NUP153: variants seen among roughly 807,000 people sequenced by gnomAD.
The protein encoded by NUP153 is nuclear pore complex protein Nup153.
A neutral mutation model predicts 134.6 loss-of-function variants in NUP153; 27 were observed. That is an observed-to-expected ratio of 0.20 (90% confidence interval 0.15 to 0.28). NUP153 has a LOEUF of 0.28. Ranked by LOEUF, NUP153 falls within the 10% of genes least tolerant of loss-of-function variation. The pLI, the probability that NUP153 is intolerant of heterozygous loss-of-function variation, is 1.00. For synonymous variants in NUP153, 640 were observed against 623.5 expected, an observed-to-expected ratio of 1.03 and a Z score of -0.40; for missense variants, 1,821 against 1,731.3, an observed-to-expected ratio of 1.05 and a Z score of -0.92.
chr6:17,627,301 T>C (rs1764993653), intron 18 of NUP153, among the ~76,000 whole-genome samples: 1 of 152,244 alleles, frequency 6.6e-6, no homozygotes, highest in South Asian at 2.1e-4. Flanking sequence ...AGTTTTGATT[T>C]TGTCTTTATA....
At chr6:17,666,281 C>A (rs927034120) in intron 8 of NUP153, among the ~76,000 whole-genome samples, 5 of 152,098 alleles carry the variant, frequency 3.3e-5, no homozygotes, top group Non-Finnish European at 7.3e-5. Flanking sequence ...ATGTGGGAGG[C>A]CGAAGCAGGT....
intron 14 of NUP153, among the ~76,000 whole-genome samples, chr6:17,645,000 G>C (rs2113794212): frequency 6.6e-6 from 1 of 152,166 alleles, no homozygotes; most frequent in East Asian, 1.9e-4. Flanking sequence ...GAGGAGAATG[G>C]CATGAACCTG....
In NUP153 at chr6:17,618,083, C is replaced by T. The variant is rs540282445; in HGVS notation, c.4175-1388G>A. Among the ~76,000 whole-genome samples, 38 of 152,270 alleles carry T rather than the reference C, an allele frequency of 2.5e-4. 1 individual carries two copies. In the South Asian group the frequency reaches 7.9e-3, roughly 32 times the overall value. On this transcript the variant is annotated intron_variant, in intron 20 of 21. Coordinates refer to ENST00000262077, the MANE Select transcript of NUP153 (RefSeq NM_005124.4). ...TCCCAGAACACTGGCAAATGAAGTT[C>T]TCTGATACCCTCCATGCAGGAGACT...
At position 17,701,843 on chromosome 6, in the gene NUP153, GGAAAA is replaced by G. The variant is rs1476121685; in HGVS notation, c.111+4429_111+4433del. On this transcript the variant is annotated intron_variant, in intron 1 of 21. Transcript: ENST00000262077. ...GCAAGACTCTGTCTCGGGGGGGGGGGGAAAAAAGCTAAATGCAGGAACTGACTTGT... is the reference window on the plus strand; with the variant it reads ...GCAAGACTCTGTCTCGGGGGGGGGGGAAGCTAAATGCAGGAACTGACTTGT... 3.0e-4 allele frequency among the ~76,000 whole-genome samples: 26 copies of G among 87,318 alleles called. 2 individuals are homozygous for G. The highest frequency in any genetic ancestry group is 7.3e-4 in the African/African-American group (18 of 24,736). 57.3% of individuals were successfully genotyped at this position (87,318 alleles called of 152,430 possible).
chr6:17,686,391 T>G (rs1357909256), intron 2 of NUP153, among the ~76,000 whole-genome samples: 1 of 151,506 alleles, frequency 6.6e-6, no homozygotes, highest in Non-Finnish European at 1.5e-5. Flanking sequence ...TTAACAAACC[T>G]TTTTTTTATT....
intron 2 of NUP153, among the ~76,000 whole-genome samples, chr6:17,683,946 G>A (rs1268586821): frequency 2.6e-5 from 4 of 152,096 alleles, no homozygotes; most frequent in Non-Finnish European, 5.9e-5. Flanking sequence ...TTGGGTCATG[G>A]GGGCAGATTC....
In NUP153 at chr6:17,665,460, C is replaced by T. The variant is rs76339429; in HGVS notation, c.1069-75G>A. 4.5e-3 allele frequency: 5,096 copies of T among 1,139,518 alleles called. 170 individuals are homozygous for T. The African/African-American group carries it at 0.069, about 15-fold the overall frequency. 70.6% of individuals were successfully genotyped at this position (1,139,518 alleles called of 1,614,324 possible). On this transcript the variant is annotated intron_variant, in intron 8 of 21. Transcript: ENST00000262077. The stretch of plus-strand genomic sequence containing the variant: ...ATTCATATCTAAATTTTGACAATAG[C>T]TAACATGACCTAAAGACCATGAGTA...
In NUP153 at chr6:17,618,604, T is replaced by C. The variant is rs566595270; in HGVS notation, c.4175-1909A>G. ...TTTTAAAGATGGAGTCTGGCTCTGTTGCCCAGGCTGGAGTGCAGTGGCACG... is the reference window on the plus strand; with the variant it reads ...TTTTAAAGATGGAGTCTGGCTCTGTCGCCCAGGCTGGAGTGCAGTGGCACG... On this transcript the variant is annotated intron_variant, in intron 20 of 21. Coordinates refer to ENST00000262077, the MANE Select transcript of NUP153 (RefSeq NM_005124.4). Among the ~76,000 whole-genome samples, 34 of 149,520 alleles carry C rather than the reference T, an allele frequency of 2.3e-4. No individual in the cohort carries two copies. In the South Asian group the frequency reaches 3.8e-3, roughly 17 times the overall value.
At chr6:17,665,736 T>A (rs1043333016) in intron 8 of NUP153, among the ~76,000 whole-genome samples, 4 of 152,036 alleles carry the variant, frequency 2.6e-5, no homozygotes, top group East Asian at 1.9e-4. Context: ...TTTTTTTTTT[T>A]AAGAGACGGA....
chr6:17,639,918 C>T (rs1335903662), intron 15 of NUP153, 21 bp downstream of exon 15: 2 of 1,585,400 alleles, frequency 1.3e-6, no homozygotes, highest in East Asian at 2.2e-5. Flanking sequence ...AATCAAAAGG[C>T]TTATCTTTTA....
At chr6:17,686,025 A>G (rs187846905) in intron 2 of NUP153, among the ~76,000 whole-genome samples, 2 of 152,084 alleles carry the variant, frequency 1.3e-5, no homozygotes, top group Admixed American at 1.3e-4. Flanking sequence ...GCACACGCCT[A>G]TAGTCCCAAC....
chr6:17,660,535 T>A (rs1767113839), intron 11 of NUP153, among the ~76,000 whole-genome samples: 1 of 151,768 alleles, frequency 6.6e-6, no homozygotes, highest in African/African-American at 2.4e-5. Context: ...AGAGAACTCT[T>A]TCTAATAATA....
At chr6:17,648,895 C>G (rs1338815963) in intron 12 of NUP153, among the ~76,000 whole-genome samples, 1 of 152,040 alleles carries the variant, frequency 6.6e-6, no homozygotes, top group African/African-American at 2.4e-5. Context: ...ACCCAAAAAG[C>G]ATCTTACTGG....
chr6:17,685,304 T>C (rs1042429073), intron 2 of NUP153, among the ~76,000 whole-genome samples: 16 of 152,128 alleles, frequency 1.1e-4, no homozygotes, highest in African/African-American at 3.6e-4. Flanking sequence ...TCCCAACACT[T>C]TGGGAGGCTG....
chr6:17,671,156 C>A (rs1052523693), intron 5 of NUP153, among the ~76,000 whole-genome samples: 1 of 152,030 alleles, frequency 6.6e-6, no homozygotes, highest in Non-Finnish European at 1.5e-5. Flanking sequence ...CAGGATAAAC[C>A]CCACTTGATC....
chr6:17,704,486 C>T (rs962471403), intron 1 of NUP153, among the ~76,000 whole-genome samples: 3 of 152,158 alleles, frequency 2.0e-5, no homozygotes, highest in African/African-American at 7.2e-5. Context: ...ATTCTACAGA[C>T]GGATTAGGTT....
rs760304403 is a variant in NUP153, at chr6:17,637,749, T to G, written c.1868A>C (p.Asp623Ala). ...KSPGFASPKI[D>A]SVAAQPTATS... ...TGCGGTGGGCTGAGCAGCAACAGAA[T>G]CTATCTTCGGCGATGCGAAACCTAC... Residue 623 changes from aspartate to alanine, a missense_variant, in exon 16 of 22, where the codon GAT (aspartate) becomes GCT (alanine). Asp to Ala is a moderately radical substitution (Grantham distance 126, BLOSUM62 -2). Transcript: ENST00000262077. 3.1e-6 allele frequency: 5 copies of G among 1,602,108 alleles called. No individual in the cohort carries two copies. The highest frequency in any genetic ancestry group is 3.4e-6 in the Non-Finnish European group (4 of 1,179,238).
Position 17,637,782 on chromosome 6 carries a change from G to A in NUP153, c.1847-12C>T, listed in dbSNP as rs376755459. ...CGGCGATGCGAAACCTACAATGAAC[G>A]AAGGAGAGAGTGCAACGTTAGAGAA... On this transcript the variant is annotated splice_polypyrimidine_tract_variant and intron_variant, in intron 15 of 21. Coordinates refer to ENST00000262077, the MANE Select transcript of NUP153 (RefSeq NM_005124.4). 102 of 1,583,536 alleles carry A rather than the reference G, an allele frequency of 6.4e-5. No individual in the cohort carries two copies. Among genetic ancestry groups the A allele is most frequent in the Non-Finnish European group, 8.1e-5 (95 of 1,171,218 alleles).
chr6:17,664,492 A>G (rs954427499), intron 9 of NUP153, among the ~76,000 whole-genome samples: 1 of 152,214 alleles, frequency 6.6e-6, no homozygotes, highest in Non-Finnish European at 1.5e-5. Flanking sequence ...TCAAAAAAGC[A>G]ATTATGAAAA....
Sources: gnomAD v4.1 joint callset for allele counts (sites outside exome capture counted in the v4.1 genomes callset) on GRCh38, gnomAD v4.1.1 for gene constraint, MANE v1.5 for transcripts, NCBI Gene and HGNC (gene_info 2026-07-23, HGNC 2026-07-21) for gene names.